The following NTRK3 variants were observed in gnomAD, a reference collection of about 807,000 sequenced individuals.
NTRK3 encodes the protein NT-3 growth factor receptor.
Under a neutral mutation model 91.7 loss-of-function variants are expected in NTRK3, and 24 were observed. The ratio of observed to expected loss-of-function variants is 0.26; its 90% CI spans 0.19 to 0.37. NTRK3 has a LOEUF of 0.37. Ranked by LOEUF, NTRK3 falls within the 10% of genes least tolerant of loss-of-function variation. NTRK3 has a pLI of 1.00. For synonymous variants in NTRK3, 483 were observed against 404.0 expected, an observed-to-expected ratio of 1.20 and a Z score of -2.34; for missense variants, 880 against 1,068.9, an observed-to-expected ratio of 0.82 and a Z score of 2.46.
chr15:88,048,299 C>T (rs28565987), intron 13 of NTRK3, among the ~76,000 whole-genome samples: 2 of 152,100 alleles, frequency 1.3e-5, no homozygotes, highest in Non-Finnish European at 2.9e-5. Context: ...GTATCAATTT[C>T]ATAACGTTAT....
chr15:87,859,936 T>C (rs1403890557), exon 19 of NTRK3: 2 of 187,220 alleles, frequency 1.1e-5, no homozygotes, highest in East Asian at 8.6e-5. Context: ...TATATTTATA[T>C]TGAAGATGGA....
chr15:88,222,010 T>C (rs1462657162), intron 3 of NTRK3, among the ~76,000 whole-genome samples: 1 of 152,192 alleles, frequency 6.6e-6, no homozygotes, highest in Non-Finnish European at 1.5e-5. Flanking sequence ...GTACCTGTCA[T>C]ACCTCAAAGC....
Position 88,237,407 on chromosome 15 carries a change from G to A in NTRK3, c.248+18499C>T, listed in dbSNP as rs566569430. Among the ~76,000 whole-genome samples, 2 of 152,300 alleles carry A rather than the reference G, an allele frequency of 1.3e-5. No homozygotes were observed. The highest frequency in any genetic ancestry group is 4.8e-5 in the African/African-American group (2 of 41,558). The stretch of plus-strand genomic sequence containing the variant: ...CTTACTGCTAAACCACATCCCCAGA[G>A]CTGAAGGTCCCAGCCCGTTGTCATT... On this transcript the variant is annotated intron_variant, in intron 3 of 18. Coordinates refer to ENST00000394480, the Ensembl canonical transcript of NTRK3. The surrounding 1 kb of genome is among the most constrained non-coding windows in gnomAD (Gnocchi z 4.0).
chr15:87,918,980 A>G (rs1272602722), intron 17 of NTRK3, among the ~76,000 whole-genome samples: 4 of 152,244 alleles, frequency 2.6e-5, no homozygotes, highest in Non-Finnish European at 2.9e-5. Flanking sequence ...AGTCCAGGAA[A>G]AAAAGCAGTA....
intron 17 of NTRK3, among the ~76,000 whole-genome samples, chr15:87,892,875 GACTGTTTAAGA>G (rs1233430760): frequency 6.6e-6 from 1 of 152,140 alleles, no homozygotes; most frequent in Non-Finnish European, 1.5e-5. Flanking sequence ...ATGTAAAACT[GACTGTTTAAGA>G]ACTTGTTCAT....
At chr15:88,166,506 T>C (rs2044967641) in intron 5 of NTRK3, among the ~76,000 whole-genome samples, 1 of 152,274 alleles carries the variant, frequency 6.6e-6, no homozygotes, top group Non-Finnish European at 1.5e-5. Context: ...GAGCTGTTCA[T>C]AGTTCACTGC....
chr15:88,210,413 G>T (rs868525796), intron 3 of NTRK3, among the ~76,000 whole-genome samples: 4 of 152,286 alleles, frequency 2.6e-5, no homozygotes, highest in South Asian at 2.1e-4. Flanking sequence ...CCTAGCCTCA[G>T]GTTTTCAAAG....
At chr15:88,021,200 C>A (rs1393108175) in intron 14 of NTRK3, among the ~76,000 whole-genome samples, 1 of 152,232 alleles carries the variant, frequency 6.6e-6, no homozygotes, top group African/African-American at 2.4e-5. Context: ...AATGTTACCA[C>A]CCCAATTCGG....
At chr15:88,129,492 C>A (rs974974159) in intron 10 of NTRK3, among the ~76,000 whole-genome samples, 1 of 152,286 alleles carries the variant, frequency 6.6e-6, no homozygotes, top group Non-Finnish European at 1.5e-5. Flanking sequence ...TTCAAATCTC[C>A]GTCCAGGCTC....
chr15:88,084,478 A>G (rs1419009543), intron 13 of NTRK3, among the ~76,000 whole-genome samples: 1 of 152,154 alleles, frequency 6.6e-6, no homozygotes, highest in Non-Finnish European at 1.5e-5. Flanking sequence ...CAGCGTCTTC[A>G]CTCAAAACAG....
At chr15:88,171,977 G>A (rs1317586147) in intron 5 of NTRK3, among the ~76,000 whole-genome samples, 2 of 152,268 alleles carry the variant, frequency 1.3e-5, no homozygotes, top group Non-Finnish European at 2.9e-5. Flanking sequence ...GGACCCCTCA[G>A]ATGGGTTTCA....
chr15:88,214,774 C>G (rs1159353977), intron 3 of NTRK3, among the ~76,000 whole-genome samples: 3 of 152,180 alleles, frequency 2.0e-5, no homozygotes, highest in African/African-American at 7.2e-5. Context: ...CCCATACGAG[C>G]CCAGCTTTGT....
intron 13 of NTRK3, among the ~76,000 whole-genome samples, chr15:88,060,907 AT>A (rs1429496106): frequency 6.6e-6 from 1 of 152,010 alleles, no homozygotes; most frequent in East Asian, 1.9e-4. Flanking sequence ...AAAGTGGGTT[AT>A]TTTTGCACCT....
At chr15:88,199,823 C>T (rs933290893) in intron 3 of NTRK3, among the ~76,000 whole-genome samples, 1 of 152,174 alleles carries the variant, frequency 6.6e-6, no homozygotes, top group African/African-American at 2.4e-5. Context: ...ACTCAAAGAT[C>T]CCAGGGGCTT....
intron 5 of NTRK3, among the ~76,000 whole-genome samples, chr15:88,169,348 G>A (rs1293365680): frequency 6.6e-6 from 1 of 152,204 alleles, no homozygotes; most frequent in Non-Finnish European, 1.5e-5. Context: ...GTAGTTCAAG[G>A]GAGACCTCTT....
chr15:88,080,978 G>A (rs1377860855), intron 13 of NTRK3, among the ~76,000 whole-genome samples: 1 of 152,262 alleles, frequency 6.6e-6, no homozygotes, highest in African/African-American at 2.4e-5. Context: ...GTCTCTGAGA[G>A]TCACCATGCT....
At chr15:87,987,399 A>G (rs1458976901) in intron 14 of NTRK3, among the ~76,000 whole-genome samples, 1 of 152,136 alleles carries the variant, frequency 6.6e-6, no homozygotes, top group Non-Finnish European at 1.5e-5. Context: ...GTTGTACATC[A>G]TCTCAATAAG....
intron 17 of NTRK3, among the ~76,000 whole-genome samples, chr15:87,894,807 T>C (rs985222077): frequency 2.0e-5 from 3 of 152,210 alleles, no homozygotes; most frequent in South Asian, 2.1e-4. Context: ...CCCTAGTTCC[T>C]ACCTTTCCTC....
At chr15:87,914,766 A>G (rs2067326233) in intron 17 of NTRK3, among the ~76,000 whole-genome samples, 1 of 152,224 alleles carries the variant, frequency 6.6e-6, no homozygotes, top group Admixed American at 6.5e-5. Context: ...ACCGGGCTGC[A>G]AATCAAAGTT....
Sources: gnomAD v4.1 joint callset for allele counts (sites outside exome capture counted in the v4.1 genomes callset) on GRCh38, gnomAD v4.1.1 for gene constraint, Gnocchi (gnomAD v3.1) non-coding constraint, MANE v1.5 for transcripts, NCBI Gene and HGNC (gene_info 2026-07-23, HGNC 2026-07-21) for gene names.